The following BMPR1B variants were observed in gnomAD, a reference collection of about 807,000 sequenced individuals.
BMPR1B encodes the protein bone morphogenetic protein receptor type 1B, also known as bone morphogenetic protein receptor type-1B.
Under a neutral mutation model 59.1 loss-of-function variants are expected in BMPR1B, and 12 were observed. That is an observed-to-expected ratio of 0.20 (90% CI 0.13 to 0.33). The LOEUF (loss-of-function observed/expected upper bound fraction) is 0.33, where lower values mean the gene tolerates loss of function less well. Among genes scored for constraint, BMPR1B ranks in the 10% least tolerant of loss-of-function variants. BMPR1B has a pLI of 1.00. For missense variants in BMPR1B, 550 were observed against 610.9 expected, an observed-to-expected ratio of 0.90 and a Z score of 1.05; for synonymous variants, 237 against 207.3, an observed-to-expected ratio of 1.14 and a Z score of -1.23.
At chr4:95,026,069 A>G (rs1385437713) in intron 3 of BMPR1B, among the ~76,000 whole-genome samples, 3 of 133,168 alleles carry the variant, frequency 2.3e-5, no homozygotes, top group African/African-American at 7.9e-5. Flanking sequence ...TTATACCACC[A>G]TGCTTGGCTG....
chr4:94,865,966 A>AC (rs1420404326), intron 1 of BMPR1B, among the ~76,000 whole-genome samples: 3 of 152,098 alleles, frequency 2.0e-5, no homozygotes, highest in East Asian at 1.9e-4. Context: ...CTTACTGAGT[A>AC]CCCCCCAAGA....
At chr4:95,077,497 T>G (rs1728798923) in intron 3 of BMPR1B, among the ~76,000 whole-genome samples, 1 of 152,160 alleles carries the variant, frequency 6.6e-6, no homozygotes, top group Non-Finnish European at 1.5e-5. Context: ...TATTATTTGT[T>G]TGTTTGAGGC....
At chr4:95,027,836 C>G (rs533536549) in intron 3 of BMPR1B, among the ~76,000 whole-genome samples, 5 of 151,994 alleles carry the variant, frequency 3.3e-5, no homozygotes, top group Non-Finnish European at 7.4e-5. Context: ...TAATAATGAC[C>G]TTTTATCTGT....
chr4:95,014,189 T>A (rs1027201719), intron 3 of BMPR1B, among the ~76,000 whole-genome samples: 1 of 152,218 alleles, frequency 6.6e-6, no homozygotes, highest in Non-Finnish European at 1.5e-5. Flanking sequence ...GTAAACATAT[T>A]TGCTGTCTTG....
intron 3 of BMPR1B, among the ~76,000 whole-genome samples, chr4:95,073,090 G>A (rs566969297): frequency 4.6e-5 from 7 of 152,250 alleles, no homozygotes; most frequent in African/African-American, 1.7e-4. Flanking sequence ...GGAAACAAAA[G>A]TTCTAAGAGA....
At chr4:95,129,262 C>T (rs1160358868) in intron 8 of BMPR1B, among the ~76,000 whole-genome samples, 1 of 152,100 alleles carries the variant, frequency 6.6e-6, no homozygotes, top group Non-Finnish European at 1.5e-5. Context: ...GGTTCAGTTC[C>T]TCTGGTTTTA....
chr4:94,797,731 T>C (rs567986248), intron 1 of BMPR1B, among the ~76,000 whole-genome samples: 2 of 152,312 alleles, frequency 1.3e-5, no homozygotes, highest in South Asian at 4.1e-4. Context: ...AAGAAATTCT[T>C]GTGGAGTAGG....
chr4:94,765,274 C>T (rs1721926192), intron 1 of BMPR1B, among the ~76,000 whole-genome samples: 1 of 152,066 alleles, frequency 6.6e-6, no homozygotes, highest in Non-Finnish European at 1.5e-5. Flanking sequence ...TTATGCATTA[C>T]TATGTATTTT....
intron 3 of BMPR1B, among the ~76,000 whole-genome samples, chr4:95,036,166 A>G (rs1725228133): frequency 6.6e-6 from 1 of 152,124 alleles, no homozygotes; most frequent in African/African-American, 2.4e-5. Flanking sequence ...ATAGACATAC[A>G]ATGTGTAATA....
intron 1 of BMPR1B, among the ~76,000 whole-genome samples, chr4:94,761,924 A>G (rs1365464254): frequency 2.0e-5 from 3 of 152,204 alleles, no homozygotes; most frequent in African/African-American, 4.8e-5. Flanking sequence ...GGTAGATTAA[A>G]AAGTCGCTTA....
intron 1 of BMPR1B, among the ~76,000 whole-genome samples, chr4:94,875,373 T>C (rs1166048552): frequency 2.0e-5 from 3 of 152,172 alleles, no homozygotes; most frequent in Non-Finnish European, 4.4e-5. Context: ...TTATTTTTAG[T>C]ACATCTTTTC....
intron 1 of BMPR1B, among the ~76,000 whole-genome samples, chr4:94,768,478 T>C (rs1478871052): frequency 1.3e-5 from 2 of 152,288 alleles, no homozygotes; most frequent in East Asian, 3.9e-4. Context: ...GCATTCTCTT[T>C]TACTCTTCAC....
At chr4:95,148,997 A>C in intron 11 of BMPR1B, 74 bp downstream of exon 11, 1 of 1,555,778 alleles carries the variant, frequency 6.4e-7, no homozygotes, top group East Asian at 2.2e-5. Flanking sequence ...TCAGAAATCA[A>C]AGTTATCATA....
At chr4:94,793,576 C>T (rs1396864820) in intron 1 of BMPR1B, among the ~76,000 whole-genome samples, 3 of 148,980 alleles carry the variant, frequency 2.0e-5, no homozygotes, top group Non-Finnish European at 4.5e-5. Flanking sequence ...AGTTCTAGAT[C>T]CCTGAGGAAT....
At chr4:94,759,167 C>T (rs563730076) in intron 1 of BMPR1B, among the ~76,000 whole-genome samples, 10 of 152,324 alleles carry the variant, frequency 6.6e-5, no homozygotes, top group African/African-American at 2.4e-4. Flanking sequence ...GCTGCAGTTC[C>T]CTTGAGTTAT....
At position 95,139,124 on chromosome 4, in the gene BMPR1B, C is replaced by T. The variant is rs531166972; in HGVS notation, c.1076+7612C>T. 3.9e-5 allele frequency among the ~76,000 whole-genome samples: 6 copies of T among 152,270 alleles called. No individual in the cohort carries two copies. In the South Asian group the frequency reaches 1.2e-3, roughly 32 times the overall value. On this transcript the variant is annotated intron_variant, in intron 10 of 12. Coordinates refer to ENST00000515059, the MANE Select transcript of BMPR1B (RefSeq NM_001203.3). Reference sequence around the variant, plus strand: ...GATGTCCTTTCTGTTTGTTAGTTTTCCTTCTAACAGTCAGGACCCTCAGCT... The same window carrying T: ...GATGTCCTTTCTGTTTGTTAGTTTTTCTTCTAACAGTCAGGACCCTCAGCT...
Position 95,131,414 on chromosome 4 carries a change from A to G in BMPR1B, c.978A>G (p.Pro326=), listed in dbSNP as rs780406413. The change falls in exon 10 of 13, where the codon CCA becomes CCG. Residue 326 remains proline, a synonymous_variant. Transcript: ENST00000515059. ...AAATCTTTAGTACTCAAGGCAAACC[A>G]GCAATTGCCCATCGAGATCTGAAAA... is the stretch of plus-strand genomic sequence containing the variant. ...HTEIFSTQGK[P]AIAHRDLKSK... 2.5e-6 allele frequency: 4 copies of G among 1,614,000 alleles called. No homozygotes were observed. In the East Asian group the frequency reaches 6.7e-5, roughly 27 times the overall value.
chr4:94,798,200 A>C (rs1386964231), intron 1 of BMPR1B, among the ~76,000 whole-genome samples: 1 of 152,178 alleles, frequency 6.6e-6, no homozygotes, highest in African/African-American at 2.4e-5. Context: ...TTCTTAACCA[A>C]AATATTGATA....
intron 3 of BMPR1B, among the ~76,000 whole-genome samples, chr4:95,021,421 T>A (rs1723973124): frequency 6.6e-6 from 1 of 152,226 alleles, no homozygotes; most frequent in South Asian, 2.1e-4. Context: ...AGGCTTTGGT[T>A]CATCTGATTT....
Sources: gnomAD v4.1 joint callset for allele counts (sites outside exome capture counted in the v4.1 genomes callset) on GRCh38, gnomAD v4.1.1 for gene constraint, MANE v1.5 for transcripts, NCBI Gene and HGNC (gene_info 2026-07-23, HGNC 2026-07-21) for gene names.